Variants in RALGPS1 observed in about 807,000 individuals in gnomAD.
RALGPS1 encodes ras-specific guanine nucleotide-releasing factor RalGPS1.
RALGPS1 carries 19 observed loss-of-function variants against 78.8 expected under a neutral mutation model. That is an observed-to-expected ratio of 0.24 (90% CI 0.17 to 0.35). The LOEUF (loss-of-function observed/expected upper bound fraction) is 0.35, where lower values mean the gene tolerates loss of function less well. Among genes scored for constraint, RALGPS1 ranks in the 10% least tolerant of loss-of-function variants. RALGPS1 has a pLI of 1.00. For synonymous variants in RALGPS1, 228 were observed against 256.3 expected (o/e 0.89, Z 1.06); for missense variants, 454 against 688.3 (o/e 0.66, Z 3.81).
intron 14 of RALGPS1, among the ~76,000 whole-genome samples, chr9:127,201,401 C>G (rs978886911): frequency 2.6e-5 from 4 of 152,220 alleles, no homozygotes; most frequent in African/African-American, 9.6e-5. Context: ...GATGTCTCCC[C>G]CAGTCAAGAC....
intron 1 of RALGPS1, among the ~76,000 whole-genome samples, chr9:126,917,076 G>T (rs991958613): frequency 6.6e-6 from 1 of 152,066 alleles, no homozygotes; most frequent in African/African-American, 2.4e-5. Flanking sequence ...GAAGCTGTGG[G>T]ACTTTAGGGG....
intron 4 of RALGPS1, among the ~76,000 whole-genome samples, chr9:127,028,124 T>C (rs549648410): frequency 3.0e-4 from 45 of 152,392 alleles, no homozygotes; most frequent in African/African-American, 1.0e-3. Context: ...CCAGAGGCAC[T>C]GTGCCCCATT....
chr9:127,198,009 T>C (rs907535003), intron 13 of RALGPS1, among the ~76,000 whole-genome samples: 2 of 152,208 alleles, frequency 1.3e-5, no homozygotes, highest in Non-Finnish European at 2.9e-5. Context: ...CAGAAAACTT[T>C]GTGAGCTGCG....
intron 1 of RALGPS1, among the ~76,000 whole-genome samples, chr9:126,947,282 A>G (rs949402056): frequency 6.6e-6 from 1 of 152,162 alleles, no homozygotes; most frequent in African/African-American, 2.4e-5. Context: ...TAATCCTTTC[A>G]GCCTCCTGTG....
intron 1 of RALGPS1, among the ~76,000 whole-genome samples, chr9:126,943,666 C>T (rs996080283): frequency 2.6e-5 from 4 of 152,106 alleles, no homozygotes; most frequent in Non-Finnish European, 5.9e-5. Flanking sequence ...GCAGGTTTTC[C>T]GTTTTCCTGT....
chr9:127,045,728 AGTACACAC>A (rs2047689382), intron 5 of RALGPS1, among the ~76,000 whole-genome samples: 1 of 138,032 alleles, frequency 7.2e-6, no homozygotes, highest in Non-Finnish European at 1.5e-5. Context: ...GGCATGGGTT[AGTACACAC>A]ACACACACAC....
chr9:127,115,894 A>G (rs2055359265), intron 8 of RALGPS1, among the ~76,000 whole-genome samples: 1 of 152,204 alleles, frequency 6.6e-6, no homozygotes, highest in South Asian at 2.1e-4. Context: ...ATGATTCACC[A>G]TCAGCCCGGA....
chr9:127,200,360 C>T (rs2061568314), intron 14 of RALGPS1, among the ~76,000 whole-genome samples: 1 of 152,252 alleles, frequency 6.6e-6, no homozygotes, highest in African/African-American at 2.4e-5. Flanking sequence ...AAATCCTCAG[C>T]ACTCCTGCAC....
intron 5 of RALGPS1, among the ~76,000 whole-genome samples, chr9:127,043,478 A>G (rs1472469272): frequency 6.6e-6 from 1 of 152,190 alleles, no homozygotes; most frequent in East Asian, 1.9e-4. Flanking sequence ...CATAGGCCTA[A>G]AGGTAAAAGA....
intron 13 of RALGPS1, 150 bp from the exon 14 acceptor site, chr9:127,198,864 GC>G (rs1700316864): frequency 1.4e-6 from 1 of 726,168 alleles, no homozygotes; most frequent in African/African-American, 1.7e-5. Flanking sequence ...AGAACTCACA[GC>G]AAAAACTCGA....
chr9:127,125,372 G>A (rs762061872), intron 8 of RALGPS1, among the ~76,000 whole-genome samples: 4 of 152,182 alleles, frequency 2.6e-5, no homozygotes, highest in Non-Finnish European at 5.9e-5. Flanking sequence ...GGAGGATGAA[G>A]AGCCATGGCT....
At chr9:127,119,822 G>A (rs2055857296) in intron 8 of RALGPS1, among the ~76,000 whole-genome samples, 1 of 152,044 alleles carries the variant, frequency 6.6e-6, no homozygotes, top group Admixed American at 6.5e-5. Context: ...TTTTTGCCAA[G>A]CTCATGAAGT....
intron 8 of RALGPS1, chr9:127,089,251 G>C (rs2052153643): frequency 6.1e-6 from 7 of 1,141,756 alleles, no homozygotes. Flanking sequence ...GAGCAAGAAC[G>C]CTTGAAAGGT....
intron 7 of RALGPS1, among the ~76,000 whole-genome samples, chr9:127,058,504 A>G (rs2048934999): frequency 6.6e-6 from 1 of 152,126 alleles, no homozygotes; most frequent in African/African-American, 2.4e-5. Flanking sequence ...GGGATATGAG[A>G]ACAGCAGGCT....
chr9:127,046,031 A>G (rs1260686656), intron 5 of RALGPS1, among the ~76,000 whole-genome samples: 1 of 152,220 alleles, frequency 6.6e-6, no homozygotes, highest in Non-Finnish European at 1.5e-5. Flanking sequence ...CTAACAAACC[A>G]AAACAATACA....
At chr9:127,086,861 C>A (rs1413962384) in intron 8 of RALGPS1, among the ~76,000 whole-genome samples, 2 of 152,160 alleles carry the variant, frequency 1.3e-5, no homozygotes, top group African/African-American at 2.4e-5. Context: ...GAGATGGAGA[C>A]TCCTGGTCTG....
intron 4 of RALGPS1, among the ~76,000 whole-genome samples, chr9:126,984,895 A>G (rs751553304): frequency 2.6e-5 from 4 of 152,266 alleles, no homozygotes; most frequent in Non-Finnish European, 4.4e-5. Flanking sequence ...GCTTAGTATT[A>G]CTGGGTTGCC....
intron 1 of RALGPS1, 106 bp from the exon 2 acceptor site, chr9:126,962,119 A>G (rs185678305): frequency 3.2e-6 from 2 of 626,126 alleles, no homozygotes; most frequent in Admixed American, 2.8e-5. Context: ...CCTTTCTTTA[A>G]AGGTCTCCTC....
chr9:127,185,941 G>T (rs2060615746), intron 11 of RALGPS1, among the ~76,000 whole-genome samples: 1 of 152,196 alleles, frequency 6.6e-6, no homozygotes, highest in Admixed American at 6.5e-5. Context: ...TAGAATTCAG[G>T]TTCAGAGGTG....
Sources: allele counts gnomAD v4.1 joint callset (sites outside exome capture counted in the v4.1 genomes callset), GRCh38; gene constraint gnomAD v4.1.1; transcripts MANE v1.5; gene names NCBI Gene and HGNC (gene_info 2026-07-23, HGNC 2026-07-21).